Variants in RANBP3 observed in about 807,000 individuals in gnomAD.
RANBP3 encodes RAN binding protein 3, also known as ran-binding protein 3.
RANBP3 carries 14 observed loss-of-function variants against 77.3 expected under a neutral mutation model. The ratio of observed to expected loss-of-function variants is 0.18; its 90% CI spans 0.12 to 0.28. RANBP3 has a LOEUF of 0.28. Ranked by LOEUF, RANBP3 falls within the 10% of genes least tolerant of loss-of-function variation. The pLI, the probability that RANBP3 is intolerant of heterozygous loss-of-function variation, is 1.00. For synonymous variants in RANBP3, 315 were observed against 312.4 expected (o/e 1.01, Z -0.09); for missense variants, 586 against 752.3 (o/e 0.78, Z 2.59).
chr19:5,928,089 T>C lies in RANBP3; in HGVS notation c.694-2A>G. 1 of 1,606,734 alleles carries C rather than the reference T, an allele frequency of 6.2e-7. No individual in the cohort carries two copies. Among genetic ancestry groups the C allele is most frequent in the Non-Finnish European group, 8.5e-7 (1 of 1,177,962 alleles). On this transcript the variant is annotated splice_acceptor_variant, in intron 8 of 16. Transcript: ENST00000340578. LOFTEE classifies it high-confidence loss of function. ...CTCATTTTTCTGGGGCTCTTTCTCCTATCAAAAACCAAAACAAAACAGAGT... is the reference window on the plus strand; with the variant it reads ...CTCATTTTTCTGGGGCTCTTTCTCCCATCAAAAACCAAAACAAAACAGAGT...
intron 3 of RANBP3, among the ~76,000 whole-genome samples, chr19:5,951,056 G>A (rs973595392): frequency 6.6e-6 from 1 of 152,168 alleles, no homozygotes; most frequent in African/African-American, 2.4e-5. Flanking sequence ...AAAAATGGAA[G>A]GAGGGTGAAG....
chr19:5,975,770 T>C (rs1476225236), intron 1 of RANBP3, among the ~76,000 whole-genome samples: 1 of 150,622 alleles, frequency 6.6e-6, no homozygotes, highest in East Asian at 1.9e-4. Context: ...AAGTAACATA[T>C]ATGAGTAAAA....
chr19:5,917,893 C>CCTCCTG lies in RANBP3; in HGVS notation c.1555_1560dup (p.Gln519_Glu520dup), dbSNP rs1473032113. 6 of 1,612,780 alleles carry CCTCCTG rather than the reference C, an allele frequency of 3.7e-6. No individual in the cohort carries two copies. In the South Asian group the frequency reaches 6.6e-5, roughly 18 times the overall value. ...CCAGGCTCAGGCGCGGGCATCTTGG[C>CCTCCTG]CTCCTGCTCCTGCTCCACGCGGCTG... On this transcript the variant is annotated inframe_insertion, in exon 16 of 17. Transcript: ENST00000340578.
chr19:5,960,510 C>T (rs184680478), intron 1 of RANBP3, among the ~76,000 whole-genome samples: 10 of 152,248 alleles, frequency 6.6e-5, no homozygotes, highest in South Asian at 4.1e-4. Context: ...CCATAAGATC[C>T]GAGACTGCTT....
At chr19:5,928,652 G>A (rs1382546026) in intron 8 of RANBP3, among the ~76,000 whole-genome samples, 2 of 152,068 alleles carry the variant, frequency 1.3e-5, no homozygotes, top group Admixed American at 1.3e-4. Flanking sequence ...TAAGTCGGGA[G>A]AGAGAATTCA....
At chr19:5,973,878 C>T (rs1286824221) in intron 1 of RANBP3, among the ~76,000 whole-genome samples, 4 of 152,072 alleles carry the variant, frequency 2.6e-5, no homozygotes, top group East Asian at 1.9e-4. Context: ...GGTGTGGAAA[C>T]GGGGGGCTCA....
Position 5,921,550 on chromosome 19 carries a change from G to A in RANBP3, c.1210-229C>T, listed in dbSNP as rs955352828. On this transcript the variant is annotated intron_variant, in intron 13 of 16. Coordinates refer to ENST00000340578, the MANE Select transcript of RANBP3 (RefSeq NM_007322.3). The surrounding 1 kb of genome is among the most constrained non-coding windows in gnomAD (Gnocchi z 5.3). ...CTAAGGAAATGAAAAGCAAAACAACGGTGAGAAGCCTCTCTGCGCACTCTA... is the reference window on the plus strand; with the variant it reads ...CTAAGGAAATGAAAAGCAAAACAACAGTGAGAAGCCTCTCTGCGCACTCTA... Among the ~76,000 whole-genome samples the A allele has an allele frequency of 2.6e-5, 4 of 152,230 alleles. No individual in the cohort carries two copies. The highest frequency in any genetic ancestry group is 9.6e-5 in the African/African-American group (4 of 41,468).
intron 14 of RANBP3, 141 bp from the exon 15 acceptor site, chr19:5,918,779 G>T: frequency 9.3e-7 from 1 of 1,073,392 alleles, no homozygotes. Context: ...CACCCACAGA[G>T]CAAGACTTCT....
At chr19:5,957,451 T>C (rs1300899164) in intron 2 of RANBP3, among the ~76,000 whole-genome samples, 4 of 152,116 alleles carry the variant, frequency 2.6e-5, no homozygotes, top group Non-Finnish European at 5.9e-5. Context: ...TAAATGCACG[T>C]ACGCCCAGCT....
At chr19:5,968,066 A>C (rs966293988) in intron 1 of RANBP3, among the ~76,000 whole-genome samples, 7 of 152,188 alleles carry the variant, frequency 4.6e-5, no homozygotes, top group African/African-American at 1.4e-4. Flanking sequence ...GGAGAGATGG[A>C]GGATCCAGCT....
intron 3 of RANBP3, among the ~76,000 whole-genome samples, chr19:5,942,614 T>C (rs1482282831): frequency 6.8e-6 from 1 of 146,826 alleles, no homozygotes; most frequent in Admixed American, 7.0e-5. Flanking sequence ...GGCACAAGAA[T>C]CGCTTGAGCC....
At chr19:5,956,799 C>T (rs934352068) in intron 2 of RANBP3, among the ~76,000 whole-genome samples, 1 of 152,324 alleles carries the variant, frequency 6.6e-6, no homozygotes. Context: ...ATCATGAGAG[C>T]GGCTTCCAGC....
intron 1 of RANBP3, 37 bp downstream of exon 1, chr19:5,978,024 C>G: frequency 5.6e-6 from 9 of 1,608,178 alleles, no homozygotes; most frequent in Non-Finnish European, 7.6e-6. Flanking sequence ...CGCCCGTTCC[C>G]CGGCCGCCAG....
chr19:5,948,010 C>CAAGGAGGACACG (rs907600238), intron 3 of RANBP3, among the ~76,000 whole-genome samples: 6 of 152,258 alleles, frequency 3.9e-5, no homozygotes, highest in East Asian at 1.9e-4. Context: ...GGTGTGTCCT[C>CAAGGAGGACACG]GGTGCCAAGG....
intron 3 of RANBP3, among the ~76,000 whole-genome samples, chr19:5,950,358 G>A (rs140300263): frequency 2.0e-4 from 31 of 152,312 alleles, no homozygotes; most frequent in African/African-American, 7.0e-4. Context: ...TATGGCACAA[G>A]TAAAGACTGT....
chr19:5,964,610 G>A (rs1020940751), intron 1 of RANBP3, among the ~76,000 whole-genome samples: 1 of 152,088 alleles, frequency 6.6e-6, no homozygotes, highest in African/African-American at 2.4e-5. Context: ...ACCCAGTGAG[G>A]CTGTGAAGGG....
At chr19:5,933,336 G>T in intron 6 of RANBP3, 78 bp downstream of exon 6, 1 of 1,163,014 alleles carries the variant, frequency 8.6e-7, no homozygotes. Flanking sequence ...CTGAGCCCGC[G>T]GTGCCCTGGT....
intron 11 of RANBP3, 78 bp from the exon 12 acceptor site, chr19:5,923,992 T>C (rs919508957): frequency 2.2e-5 from 26 of 1,162,280 alleles, no homozygotes; most frequent in Admixed American, 7.3e-5. Flanking sequence ...CCTCTCTGCC[T>C]GGCCCCCAAC....
At chr19:5,917,747 C>T (rs1466669752) in intron 16 of RANBP3, 47 bp downstream of exon 16, 72 of 1,583,882 alleles carry the variant, frequency 4.5e-5, no homozygotes, top group East Asian at 1.8e-4. Context: ...TCAAGGATGG[C>T]GGGCAGCTCT....
Sources: allele counts gnomAD v4.1 joint callset (sites outside exome capture counted in the v4.1 genomes callset), GRCh38; gene constraint gnomAD v4.1.1; non-coding constraint Gnocchi (gnomAD v3.1); transcripts MANE v1.5; gene names NCBI Gene and HGNC (gene_info 2026-07-23, HGNC 2026-07-21).